Variants in CAPRIN2 observed in about 807,000 individuals in gnomAD.
CAPRIN2 encodes caprin-2.
A neutral mutation model predicts 130.4 loss-of-function variants in CAPRIN2; 66 were observed. The observed-to-expected ratio is 0.51, with a 90% CI of 0.42 to 0.62. The LOEUF is 0.62. Among genes scored for constraint, CAPRIN2 ranks in the 20% least tolerant of loss-of-function variants. The pLI, the probability that CAPRIN2 is intolerant of heterozygous loss-of-function variation, is 0.00. For synonymous variants in CAPRIN2, 471 were observed against 444.1 expected, an observed-to-expected ratio of 1.06 and a Z score of -0.76; for missense variants, 1,185 against 1,246.6, an observed-to-expected ratio of 0.95 and a Z score of 0.74.
At chr12:30,713,055 A>G (rs909750840) in intron 15 of CAPRIN2, among the ~76,000 whole-genome samples, 2 of 152,036 alleles carry the variant, frequency 1.3e-5, no homozygotes, top group African/African-American at 4.8e-5. Context: ...ACCCTTTTCA[A>G]TACTGCCTCT....
intron 8 of CAPRIN2, among the ~76,000 whole-genome samples, chr12:30,727,926 A>C (rs1592087918): frequency 6.6e-6 from 1 of 152,220 alleles, no homozygotes; most frequent in East Asian, 1.9e-4. Context: ...GAGAAGCAAG[A>C]GAATATAGAA....
At chr12:30,725,905 T>C (rs993544350) in intron 9 of CAPRIN2, 61 bp downstream of exon 10, 3 of 1,357,918 alleles carry the variant, frequency 2.2e-6, no homozygotes, top group Non-Finnish European at 2.0e-6. Context: ...ATAATTTCAC[T>C]GTAATGTTTC....
intron 8 of CAPRIN2, 40 bp downstream of exon 9, chr12:30,728,608 G>A (rs748851987): frequency 1.4e-6 from 2 of 1,463,396 alleles, no homozygotes; most frequent in Admixed American, 2.2e-5. Flanking sequence ...CCTTATTTAT[G>A]CCTACACTTA....
chr12:30,718,111 G>T (rs1473081588), intron 12 of CAPRIN2, among the ~76,000 whole-genome samples: 2 of 152,178 alleles, frequency 1.3e-5, no homozygotes, highest in Admixed American at 6.5e-5. Context: ...AAGCTCAGGG[G>T]ACTAGTGTGA....
At chr12:30,714,868 A>G in intron 14 of CAPRIN2, 91 bp downstream of exon 16, 2 of 1,034,996 alleles carry the variant, frequency 1.9e-6, no homozygotes, top group Non-Finnish European at 2.9e-6. Flanking sequence ...TGCAAATGAC[A>G]AAAGGGAGCA....
At chr12:30,752,544 C>T (rs1022509624) in intron 1 of CAPRIN2, among the ~76,000 whole-genome samples, 11 of 141,280 alleles carry the variant, frequency 7.8e-5, no homozygotes, top group Admixed American at 5.7e-4. Flanking sequence ...AAGCTACTAG[C>T]AACTTGCCCT....
At chr12:30,749,697 G>A (rs571756660) in intron 2 of CAPRIN2, among the ~76,000 whole-genome samples, 1 of 152,238 alleles carries the variant, frequency 6.6e-6, no homozygotes, top group East Asian at 1.9e-4. Context: ...TTGGGGAACA[G>A]GGAAAAATTA....
At chr12:30,724,564 T>A in intron 9 of CAPRIN2, 113 bp from the exon 11 acceptor site, 1 of 698,304 alleles carries the variant, frequency 1.4e-6, no homozygotes, top group Non-Finnish European at 2.5e-6. Flanking sequence ...CATAAATATC[T>A]AGCTAAAGCT....
chr12:30,750,548 T>C (rs1227987347), intron 2 of CAPRIN2, among the ~76,000 whole-genome samples: 1 of 151,698 alleles, frequency 6.6e-6, no homozygotes, highest in Non-Finnish European at 1.5e-5. Context: ...TTTTTTTTTT[T>C]AAAGGCCAGA....
At chr12:30,735,722 T>A (rs921280006) in intron 3 of CAPRIN2, among the ~76,000 whole-genome samples, 5 of 152,176 alleles carry the variant, frequency 3.3e-5, no homozygotes, top group African/African-American at 9.7e-5. Context: ...ACAGCAAACA[T>A]GTTATTTTGT....
exon 16 of CAPRIN2, chr12:30,711,625 T>A (rs1313281204): frequency 6.2e-7 from 1 of 1,613,082 alleles, no homozygotes; most frequent in Non-Finnish European, 8.5e-7. Flanking sequence ...CTGCTGGAAA[T>A]TATCCTAAAG....
At position 30,733,728 on chromosome 12, in the gene CAPRIN2, G is replaced by A; in HGVS notation, c.810-17C>T. ...TCTTCAACACTGACAAGGAAAAGCAGCAGCAGAACAAAGTGGCTTTAGAAG... is the reference window on the plus strand; with the variant it reads ...TCTTCAACACTGACAAGGAAAAGCAACAGCAGAACAAAGTGGCTTTAGAAG... On this transcript the variant is annotated splice_polypyrimidine_tract_variant and intron_variant, in intron 4 of 16. Coordinates refer to ENST00000298892, the Ensembl canonical transcript of CAPRIN2. 1 of 1,594,104 alleles carries A rather than the reference G, an allele frequency of 6.3e-7. No homozygotes were observed. The highest frequency in any genetic ancestry group is 8.6e-7 in the Non-Finnish European group (1 of 1,161,858).
chr12:30,733,339 C>T (rs2063379640), intron 5 of CAPRIN2, among the ~76,000 whole-genome samples: 1 of 152,096 alleles, frequency 6.6e-6, no homozygotes, highest in Non-Finnish European at 1.5e-5. Flanking sequence ...GAATAGAAAA[C>T]TGAACCCCAA....
At chr12:30,748,324 A>G (rs1301808509) in intron 2 of CAPRIN2, among the ~76,000 whole-genome samples, 2 of 152,228 alleles carry the variant, frequency 1.3e-5, no homozygotes, top group Admixed American at 6.5e-5. Context: ...TGCAACCTTC[A>G]GCAACCACCA....
chr12:30,749,147 T>C (rs950326331), intron 2 of CAPRIN2, among the ~76,000 whole-genome samples: 1 of 152,040 alleles, frequency 6.6e-6, no homozygotes, highest in African/African-American at 2.4e-5. Context: ...AGTAGGAATA[T>C]CACGTGCAAA....
chr12:30,728,558 A>AT (rs1468065893), intron 8 of CAPRIN2, 90 bp downstream of exon 9: 34 of 1,089,094 alleles, frequency 3.1e-5, no homozygotes, highest in Non-Finnish European at 4.2e-5. Flanking sequence ...CCATCTCAAA[A>AT]AAAAAAAAAA....
intron 13 of CAPRIN2, chr12:30,715,685 TACG>T (rs2057314283): frequency 4.6e-6 from 1 of 218,160 alleles, no homozygotes; most frequent in Non-Finnish European, 9.4e-6. Flanking sequence ...ATGTATACTT[TACG>T]ACAATTTTTA....
chr12:30,749,022 G>A (rs1479705973), intron 2 of CAPRIN2, among the ~76,000 whole-genome samples: 3 of 152,178 alleles, frequency 2.0e-5, no homozygotes, highest in Non-Finnish European at 2.9e-5. Flanking sequence ...TGTGAATGGG[G>A]AAGTGGAGGT....
In CAPRIN2 at chr12:30,731,378, GT is replaced by G. The variant is rs2062632857; in HGVS notation, c.1024del (p.Thr342HisfsTer15). 1 of 1,612,598 alleles carries G rather than the reference GT, an allele frequency of 6.2e-7. No homozygotes were observed. Among genetic ancestry groups the G allele is most frequent in the Non-Finnish European group, 8.5e-7 (1 of 1,179,160 alleles). On this transcript the variant is annotated frameshift_variant, in exon 6 of 17. Transcript: ENST00000298892. LOFTEE classifies it high-confidence loss of function. Reference sequence around the variant, plus strand: ...GACAGATTCAGTCTTCGATAATTGTGTTTTTTTCTCTGATTGTATTAGCATT... The same window carrying G: ...GACAGATTCAGTCTTCGATAATTGTGTTTTTTCTCTGATTGTATTAGCATT...
Sources: allele counts gnomAD v4.1 joint callset (sites outside exome capture counted in the v4.1 genomes callset), GRCh38; gene constraint gnomAD v4.1.1; transcripts MANE v1.5; gene names NCBI Gene and HGNC (gene_info 2026-07-23, HGNC 2026-07-21).